Variants in PRKG1 observed in about 807,000 individuals in gnomAD.
The protein encoded by PRKG1 is cGMP-dependent protein kinase 1.
Under a neutral mutation model 88.1 loss-of-function variants are expected in PRKG1, and 35 were observed. The ratio of observed to expected loss-of-function variants is 0.40; its 90% confidence interval spans 0.30 to 0.53. PRKG1 has a LOEUF of 0.53. Among genes scored for constraint, PRKG1 ranks in the 20% least tolerant of loss-of-function variants. The pLI is 0.59. For synonymous variants in PRKG1, 303 were observed against 292.5 expected (o/e 1.04, Z -0.37); for missense variants, 540 against 839.8 (o/e 0.64, Z 4.41).
chr10:51,477,357 A>C (rs1312822082), intron 3 of PRKG1, among the ~76,000 whole-genome samples: 3 of 150,948 alleles, frequency 2.0e-5, no homozygotes, highest in African/African-American at 7.3e-5. Flanking sequence ...TTGGAAGGAA[A>C]GAAAAATTAT....
At chr10:51,266,507 C>T (rs942272924) in intron 2 of PRKG1, among the ~76,000 whole-genome samples, 9 of 152,262 alleles carry the variant, frequency 5.9e-5, no homozygotes, top group Non-Finnish European at 7.4e-5. Context: ...ACTCTTTCTT[C>T]CTGAGAAGCC....
At chr10:51,825,360 T>C (rs1195064265) in intron 4 of PRKG1, among the ~76,000 whole-genome samples, 1 of 152,154 alleles carries the variant, frequency 6.6e-6, no homozygotes, top group Non-Finnish European at 1.5e-5. Context: ...CTGATCTTTG[T>C]AATGATGCAA....
intron 5 of PRKG1, among the ~76,000 whole-genome samples, chr10:51,924,242 C>T (rs940166988): frequency 6.6e-6 from 1 of 152,044 alleles, no homozygotes; most frequent in South Asian, 2.1e-4. Context: ...TAACAAATTC[C>T]CTCAATATTT....
intron 3 of PRKG1, among the ~76,000 whole-genome samples, chr10:51,679,628 A>G (rs1840793027): frequency 6.7e-6 from 1 of 150,226 alleles, no homozygotes; most frequent in East Asian, 2.0e-4. Flanking sequence ...GTACTCCTTT[A>G]TATTCCCCAC....
intron 9 of PRKG1, among the ~76,000 whole-genome samples, chr10:52,234,380 A>G (rs1189502802): frequency 6.6e-6 from 1 of 152,158 alleles, no homozygotes; most frequent in Non-Finnish European, 1.5e-5. Context: ...CTACGGGAGG[A>G]CATTCAAACC....
At chr10:51,623,963 A>C (rs1839271817) in intron 3 of PRKG1, among the ~76,000 whole-genome samples, 1 of 151,710 alleles carries the variant, frequency 6.6e-6, no homozygotes, top group Admixed American at 6.6e-5. Context: ...CCCAGACACC[A>C]CTCCACAACC....
intron 3 of PRKG1, among the ~76,000 whole-genome samples, chr10:51,562,943 A>ATTT (rs113532758): frequency 2.6e-5 from 3 of 113,262 alleles, no homozygotes; most frequent in Non-Finnish European, 5.6e-5. Context: ...TATTTTTTTT[A>ATTT]TTATTTTTAT....
At chr10:51,919,096 C>A (rs1374556292) in intron 5 of PRKG1, among the ~76,000 whole-genome samples, 1 of 152,122 alleles carries the variant, frequency 6.6e-6, no homozygotes, top group Non-Finnish European at 1.5e-5. Context: ...CAGTTCCAGG[C>A]CTCCCCAAGA....
chr10:51,371,732 C>G (rs141142738), intron 2 of PRKG1, among the ~76,000 whole-genome samples: 1 of 152,282 alleles, frequency 6.6e-6, no homozygotes, highest in African/African-American at 2.4e-5. Flanking sequence ...CTACCTTCAA[C>G]AGCCCCTGCT....
chr10:51,656,883 G>A (rs1840174115), intron 3 of PRKG1, among the ~76,000 whole-genome samples: 1 of 152,042 alleles, frequency 6.6e-6, no homozygotes, highest in Non-Finnish European at 1.5e-5. Flanking sequence ...ATAGAGTAAG[G>A]CAAATTTAAG....
chr10:52,130,550 A>G (rs1186650490), intron 7 of PRKG1, among the ~76,000 whole-genome samples: 2 of 152,224 alleles, frequency 1.3e-5, no homozygotes, highest in African/African-American at 4.8e-5. Context: ...AAATGGAAAT[A>G]TATTTCAGGA....
At chr10:52,149,786 A>T (rs12570780) in intron 8 of PRKG1, among the ~76,000 whole-genome samples, 36,616 of 151,066 alleles carry the variant, frequency 0.24, 4,677 homozygotes, top group South Asian at 0.33. Context: ...ACTTCCCTAA[A>T]TGGAACTTTT....
chr10:50,993,457 T>C (rs192785110), intron 1 of PRKG1, among the ~76,000 whole-genome samples: 3 of 152,336 alleles, frequency 2.0e-5, no homozygotes, highest in Admixed American at 2.0e-4. Context: ...GCCTTGCCCT[T>C]GCCTGGGAAG....
chr10:52,126,044 A>G (rs2132620488), intron 7 of PRKG1: 1 of 152,300 alleles, frequency 6.6e-6, no homozygotes, highest in Non-Finnish European at 1.5e-5. Flanking sequence ...TAAGCTACTT[A>G]GAATGGTGTG....
chr10:51,978,291 G>T (rs368657040), intron 5 of PRKG1, among the ~76,000 whole-genome samples: 1 of 151,874 alleles, frequency 6.6e-6, no homozygotes, highest in Admixed American at 6.6e-5. Flanking sequence ...CTTATTACTC[G>T]TCTCTCTACT....
At chr10:52,105,634 A>G (rs1847401045) in intron 7 of PRKG1, among the ~76,000 whole-genome samples, 1 of 151,602 alleles carries the variant, frequency 6.6e-6, no homozygotes, top group South Asian at 2.1e-4. Flanking sequence ...GTTTTTTTTA[A>G]ACTTTTAAGT....
intron 1 of PRKG1, among the ~76,000 whole-genome samples, chr10:51,040,484 AT>A (rs1224660342): frequency 2.0e-5 from 3 of 150,290 alleles, no homozygotes; most frequent in East Asian, 3.9e-4. Context: ...ACACCTGGCT[AT>A]TTTTTTGTAT....
At chr10:51,922,029 T>C (rs2132982025) in intron 5 of PRKG1, among the ~76,000 whole-genome samples, 1 of 152,052 alleles carries the variant, frequency 6.6e-6, no homozygotes, top group East Asian at 1.9e-4. Context: ...CCTGTGAATC[T>C]ATTAGGGCCT....
intron 3 of PRKG1, among the ~76,000 whole-genome samples, chr10:51,570,080 T>TGTG (rs1281829729): frequency 2.0e-5 from 3 of 147,752 alleles, no homozygotes; most frequent in African/African-American, 7.7e-5. Flanking sequence ...TGTGTGTGTG[T>TGTG]TTATATATGT....
Sources: gnomAD v4.1 joint callset for allele counts (sites outside exome capture counted in the v4.1 genomes callset) on GRCh38, gnomAD v4.1.1 for gene constraint, MANE v1.5 for transcripts, NCBI Gene and HGNC (gene_info 2026-07-23, HGNC 2026-07-21) for gene names.